Variants in ULK1 observed in about 807,000 individuals in gnomAD.
The protein encoded by ULK1 is unc-51 like autophagy activating kinase 1.
Under a neutral mutation model 117.5 loss-of-function variants are expected in ULK1, and 48 were observed. That is an observed-to-expected ratio of 0.41 (90% CI 0.32 to 0.52). ULK1 has a LOEUF of 0.52. Among genes scored for constraint, ULK1 ranks in the 20% least tolerant of loss-of-function variants. The pLI, the probability that ULK1 is intolerant of heterozygous loss-of-function variation, is 0.29. For synonymous variants in ULK1, 790 were observed against 637.8 expected, an observed-to-expected ratio of 1.24 and a Z score of -3.60; for missense variants, 1,387 against 1,473.4, an observed-to-expected ratio of 0.94 and a Z score of 0.96.
At chr12:131,912,413 A>C (rs1889580656) in intron 13 of ULK1, among the ~76,000 whole-genome samples, 1 of 151,948 alleles carries the variant, frequency 6.6e-6, no homozygotes, top group Admixed American at 6.6e-5. Context: ...CTTGTTTCTC[A>C]GCAACTCTTG....
In ULK1 at chr12:131,913,212, G is replaced by C. The variant is rs764955197; in HGVS notation, c.1111G>C (p.Glu371Gln). Residue 371 changes from glutamate (E) to glutamine (Q), a missense_variant, in exon 14 of 28, where the codon GAG (glutamate) becomes CAG (glutamine). Transcript: ENST00000321867. Reference protein sequence around the residue: ...PAQFPGDLVAEAPSAKPPPDS... With the variant: ...PAQFPGDLVAQAPSAKPPPDS... ...TCCCCCTGCAGGTGACCTGGTGGCT[G>C]AGGCGCCCAGTGCCAAACCCCCGCC... is the stretch of plus-strand genomic sequence containing the variant. The C allele has an allele frequency of 6.3e-7, 1 of 1,587,972 alleles. No individual in the cohort carries two copies. The highest frequency in any genetic ancestry group is 1.1e-5 in the South Asian group (1 of 88,238).
chr12:131,920,705 CAT>C (rs1352485875), intron 26 of ULK1: 10 of 224,788 alleles, frequency 4.4e-5, no homozygotes, highest in Non-Finnish European at 8.0e-5. Context: ...GGCAAAAACT[CAT>C]GAGTGCCTGA....
Position 131,916,379 on chromosome 12 carries a change from C to T in ULK1, c.1879-19C>T. 6.5e-7 allele frequency: 1 copy of T among 1,550,354 alleles called. No homozygotes were observed. The highest frequency in any genetic ancestry group is 1.2e-5 in the South Asian group (1 of 82,746). On this transcript the variant is annotated intron_variant, in intron 19 of 27. Coordinates refer to ENST00000321867, the MANE Select transcript of ULK1 (RefSeq NM_003565.4). ...TGCAGACCTGCGGGGCAGTCTTCAC[C>T]CCATCTCTGTCCTCCTAGGCTGTGC...
At chr12:131,895,447 C>A (rs980659542) in intron 1 of ULK1, among the ~76,000 whole-genome samples, 154 bp from the exon 2 acceptor site, 1 of 151,996 alleles carries the variant, frequency 6.6e-6, no homozygotes, top group Non-Finnish European at 1.5e-5. Context: ...ACCCCAGGAC[C>A]CCCAGCGCGA....
chr12:131,917,513 G>A lies in ULK1; in HGVS notation c.2285G>A (p.Gly762Glu). Residue 762 changes from glycine to glutamate, a missense_variant, in exon 22 of 28, where the codon GGG (glycine) becomes GAG (glutamate). Physicochemically the swap from Gly to Glu is moderately conservative, Grantham distance 98 (BLOSUM62 -2). Around this residue, in one of 4 missense-constraint regions of ULK1, gnomAD observed 900 missense variants for 858.9 expected, o/e 1.05. Coordinates refer to ENST00000321867, the MANE Select transcript of ULK1 (RefSeq NM_003565.4). ...VVFTVGSPPS[G>E]STPPQGPRTR... ...TTCACCGTGGGCTCTCCCCCGAGCG[G>A]GAGCACGCCCCCCCAGGGCCCCCGC... 1.4e-6 allele frequency: 2 copies of A among 1,465,984 alleles called. No individual in the cohort carries two copies. Among genetic ancestry groups the A allele is most frequent in the Non-Finnish European group, 1.8e-6 (2 of 1,106,404 alleles). The allele number at this position is 1,465,984 out of a possible 1,614,324, so 90.8% of individuals were successfully genotyped here.
chr12:131,898,713 C>G lies in ULK1; in HGVS notation c.246+2889C>G, dbSNP rs369215896. Reference sequence around the variant, plus strand: ...GACACGGTTTCACCATGTTGGCCAGCCTGGTCTCGAACTGACCTCATGATC... The same window carrying G: ...GACACGGTTTCACCATGTTGGCCAGGCTGGTCTCGAACTGACCTCATGATC... On this transcript the variant is annotated intron_variant, in intron 3 of 27. Transcript: ENST00000321867. 2.6e-4 allele frequency among the ~76,000 whole-genome samples: 40 copies of G among 151,178 alleles called. 1 individual carries two copies. In the East Asian group the frequency reaches 4.7e-3, roughly 18 times the overall value.
intron 26 of ULK1, 74 bp downstream of exon 26, chr12:131,920,210 C>G: frequency 3.2e-6 from 5 of 1,547,098 alleles, no homozygotes; most frequent in Non-Finnish European, 3.5e-6. Context: ...GGGACGGGAC[C>G]TTGATGCCCA....
intron 3 of ULK1, among the ~76,000 whole-genome samples, chr12:131,905,809 G>A (rs1423711866): frequency 2.0e-5 from 3 of 152,152 alleles, no homozygotes; most frequent in Non-Finnish European, 2.9e-5. Flanking sequence ...CATGCTGGCC[G>A]TTGGGGTGTG....
chr12:131,905,998 C>T (rs1009869908), intron 3 of ULK1, among the ~76,000 whole-genome samples: 20 of 152,190 alleles, frequency 1.3e-4, no homozygotes, highest in African/African-American at 4.6e-4. Context: ...GGCATTGGGG[C>T]GAGGGATGGC....
chr12:131,917,635 G>A, intron 22 of ULK1, 81 bp downstream of exon 22: 1 of 1,273,838 alleles, frequency 7.9e-7, no homozygotes, highest in Non-Finnish European at 1.0e-6. Context: ...CTTTAACTCG[G>A]GTCACTGGAC....
intron 9 of ULK1, 41 bp downstream of exon 9, chr12:131,909,874 T>C (rs1354219684): frequency 1.2e-6 from 2 of 1,609,718 alleles, no homozygotes; most frequent in African/African-American, 1.3e-5. Flanking sequence ...CCCCGCGGGC[T>C]CCGGCCCCGC....
Position 131,902,106 on chromosome 12 carries a change from C to T in ULK1, c.247-4786C>T, listed in dbSNP as rs1327325240. Among the ~76,000 whole-genome samples the T allele has an allele frequency of 2.6e-5, 4 of 152,238 alleles. No individual in the cohort carries two copies. The highest frequency in any genetic ancestry group is 5.9e-5 in the Non-Finnish European group (4 of 67,992). ...CCCCAGGAGGCCCATACACAATGGG[C>T]GGCTGCAGGTGGTTCCCCAGGGCCA... On this transcript the variant is annotated intron_variant, in intron 3 of 27. Coordinates refer to ENST00000321867, the MANE Select transcript of ULK1 (RefSeq NM_003565.4). This position sits in a 1 kb window ranked among gnomAD's most constrained non-coding sequence, Gnocchi z 6.3.
rs766610618 is a variant in ULK1 at position 131,918,612 on chromosome 12, C to T, written c.2442C>T (p.Pro814=). 17 of 1,610,642 alleles carry T rather than the reference C, an allele frequency of 1.1e-5. No homozygotes were observed. Among genetic ancestry groups the T allele is most frequent in the Non-Finnish European group, 1.4e-5 (16 of 1,178,936 alleles). ...GACACGGCTGCAGCTTTGCCGACCC[C>T]ATTACTGCGAACCTGGAGGGGGCTG... ...APGHGCSFAD[P]ITANLEGAVT... is the part of the protein sequence containing the mutation. Residue 814 remains proline, a synonymous_variant, in exon 23 of 28, where the codon CCC becomes CCT. Coordinates refer to ENST00000321867, the MANE Select transcript of ULK1 (RefSeq NM_003565.4).
At chr12:131,919,440 C>G (rs994370133) in intron 24 of ULK1, 32 bp from the exon 25 acceptor site, 1 of 1,595,166 alleles carries the variant, frequency 6.3e-7, no homozygotes, top group Non-Finnish European at 8.5e-7. Context: ...CCAGGACCAA[C>G]CGGCCTCCTC....
At chr12:131,906,274 A>G (rs1198331495) in intron 3 of ULK1, among the ~76,000 whole-genome samples, 1 of 152,164 alleles carries the variant, frequency 6.6e-6, no homozygotes, top group Admixed American at 6.5e-5. Flanking sequence ...TAGTATTTTA[A>G]TAGAGACGGT....
Position 131,895,606 on chromosome 12 carries a change from C to T in ULK1, c.117C>T (p.His39=), listed in dbSNP as rs1888834585. 1 of 1,613,682 alleles carries T rather than the reference C, an allele frequency of 6.2e-7. No individual in the cohort carries two copies. The highest frequency in any genetic ancestry group is 2.2e-5 in the East Asian group (1 of 44,870). Reference sequence around the variant, plus strand: ...GGTGCACGTTTGGCTTTCAGAAGCACGATTTGGAGGTCGCCGTCAAGTGCA... The same window carrying T: ...GGTGCACGTTTGGCTTTCAGAAGCATGATTTGGAGGTCGCCGTCAAGTGCA... ...VVFKGRHREK[H]DLEVAVKCIN... The change falls in exon 2 of 28, where the codon CAC becomes CAT. Residue 39 remains histidine, a synonymous_variant. Coordinates refer to ENST00000321867, the MANE Select transcript of ULK1 (RefSeq NM_003565.4).
intron 1 of ULK1, 74 bp downstream of exon 1, chr12:131,895,186 G>T: frequency 5.4e-6 from 4 of 747,462 alleles, no homozygotes; most frequent in Non-Finnish European, 6.3e-6. Flanking sequence ...GAGATTCCCC[G>T]CCTGTCCCGG....
chr12:131,913,399 A>C, intron 14 of ULK1, 141 bp downstream of exon 14: 1 of 984,860 alleles, frequency 1.0e-6, no homozygotes, highest in South Asian at 2.3e-5. Flanking sequence ...CTCAAAAAAA[A>C]AAAAAGTAAA....
chr12:131,900,555 T>A (rs1247200534), intron 3 of ULK1, among the ~76,000 whole-genome samples: 1 of 152,136 alleles, frequency 6.6e-6, no homozygotes, highest in Admixed American at 6.5e-5. Flanking sequence ...GAAATCAGGG[T>A]ATAGGGCTGT....
Sources: gnomAD v4.1 joint callset for allele counts (sites outside exome capture counted in the v4.1 genomes callset) on GRCh38, gnomAD v4.1.1 for gene constraint, gnomAD v4.1.1 regional missense constraint, Gnocchi (gnomAD v3.1) non-coding constraint, MANE v1.5 for transcripts, NCBI Gene and HGNC (gene_info 2026-07-23, HGNC 2026-07-21) for gene names.